NTNG1: variants seen among roughly 807,000 people sequenced by gnomAD.
NTNG1 encodes the protein netrin G1.
In NTNG1, 16 loss-of-function variants were observed where a neutral mutation model predicts 54.0. The observed-to-expected ratio is 0.30, with a 90% CI of 0.20 to 0.45. NTNG1 has a LOEUF of 0.45. Among genes scored for constraint, NTNG1 ranks in the 20% least tolerant of loss-of-function variants. NTNG1 has a pLI of 1.00. For synonymous variants in NTNG1, 255 were observed against 263.1 expected, an observed-to-expected ratio of 0.97 and a Z score of 0.30; for missense variants, 530 against 678.7, an observed-to-expected ratio of 0.78 and a Z score of 2.43.
chr1:107,204,170 C>T (rs1474677376), intron 2 of NTNG1, among the ~76,000 whole-genome samples: 9 of 151,838 alleles, frequency 5.9e-5, no homozygotes, highest in Admixed American at 5.9e-4. Flanking sequence ...ATTTATTTCC[C>T]ACTTGTTGAT....
chr1:107,373,255 A>T lies in NTNG1; in HGVS notation c.888-21899A>T, dbSNP rs187040811. Among the ~76,000 whole-genome samples, 742 of 151,920 alleles carry T rather than the reference A, an allele frequency of 4.9e-3. 8 individuals are homozygous for T. Among genetic ancestry groups the T allele is most frequent in the African/African-American group, 0.017 (700 of 41,454 alleles). Reference sequence around the variant, plus strand: ...TTACTAGTCATTTTTCATTTTTTTAACTTAGAATTGCTTTAGAGTATATAA... The same window carrying T: ...TTACTAGTCATTTTTCATTTTTTTATCTTAGAATTGCTTTAGAGTATATAA... On this transcript the variant is annotated intron_variant, in intron 3 of 7. Coordinates refer to ENST00000370068, the MANE Select transcript of NTNG1 (RefSeq NM_001113226.3).
At chr1:107,319,567 C>T (rs1255849519) in intron 2 of NTNG1, among the ~76,000 whole-genome samples, 1 of 152,048 alleles carries the variant, frequency 6.6e-6, no homozygotes, top group East Asian at 1.9e-4. Context: ...GCCTTTGTGT[C>T]TTTTTTGACT....
intron 2 of NTNG1, among the ~76,000 whole-genome samples, chr1:107,210,575 G>A (rs1353926233): frequency 2.6e-5 from 4 of 152,160 alleles, no homozygotes; most frequent in Non-Finnish European, 4.4e-5. Context: ...CCAAGTCACC[G>A]CCAGATGAAT....
rs370815306 is a variant in NTNG1 at position 107,361,391 on chromosome 1, A to ATATATATTT, written c.888-33762_888-33761insATATATTTT. On this transcript the variant is annotated intron_variant, in intron 3 of 7. Transcript: ENST00000370068. ...TATATATACATATATATATATATATATTTTTTTTTTTTTTTGAGACACAGT... is the reference window on the plus strand; with the variant it reads ...TATATATACATATATATATATATATATATATATTTTTTTTTTTTTTTTTTGAGACACAGT... 7.0e-3 allele frequency among the ~76,000 whole-genome samples: 620 copies of ATATATATTT among 87,950 alleles called. 12 individuals are homozygous for ATATATATTT. The highest frequency in any genetic ancestry group is 0.016 in the Admixed American group (84 of 5,220). 57.7% of individuals were successfully genotyped at this position (87,950 alleles called of 152,430 possible). A position where few individuals can be genotyped will look rare whatever the true frequency, so the allele number is the denominator to read the frequency against.
intron 7 of NTNG1, among the ~76,000 whole-genome samples, chr1:107,471,371 A>G (rs780557202): frequency 5.9e-5 from 9 of 152,202 alleles, no homozygotes; most frequent in Non-Finnish European, 1.0e-4. Flanking sequence ...AATTAAAAGC[A>G]GGAAAGCAAG....
chr1:107,382,218 C>G (rs775076177), intron 3 of NTNG1, among the ~76,000 whole-genome samples: 1 of 152,080 alleles, frequency 6.6e-6, no homozygotes, highest in Non-Finnish European at 1.5e-5. Context: ...TGCAACCTCA[C>G]TACAACTTAG....
At chr1:107,400,195 G>A (rs1249289618) in intron 4 of NTNG1, among the ~76,000 whole-genome samples, 1 of 151,864 alleles carries the variant, frequency 6.6e-6, no homozygotes, top group East Asian at 1.9e-4. Flanking sequence ...ACTCTATATT[G>A]AAATTCTGCT....
chr1:107,277,691 T>TA (rs1370875822), intron 2 of NTNG1, among the ~76,000 whole-genome samples: 1 of 152,216 alleles, frequency 6.6e-6, no homozygotes, highest in Non-Finnish European at 1.5e-5. Context: ...TTTTGGATCT[T>TA]ACAGTTTAAA....
chr1:107,344,052 G>GA (rs202046246), intron 3 of NTNG1, among the ~76,000 whole-genome samples: 76 of 146,248 alleles, frequency 5.2e-4, no homozygotes, highest in African/African-American at 1.0e-3. Flanking sequence ...TTGGAGTCTA[G>GA]AAAAAAAAAA....
At chr1:107,370,781 A>G (rs1570786901) in intron 3 of NTNG1, among the ~76,000 whole-genome samples, 2 of 152,014 alleles carry the variant, frequency 1.3e-5, no homozygotes, top group East Asian at 3.9e-4. Context: ...CAGCAATTTT[A>G]TTTATTTCTG....
intron 2 of NTNG1, among the ~76,000 whole-genome samples, chr1:107,237,776 C>T (rs1661512174): frequency 6.6e-6 from 1 of 152,120 alleles, no homozygotes; most frequent in Non-Finnish European, 1.5e-5. Context: ...TGCAAATGCA[C>T]AGAAGTCAAG....
chr1:107,434,085 G>T (rs1173397613), intron 6 of NTNG1, among the ~76,000 whole-genome samples: 1 of 152,104 alleles, frequency 6.6e-6, no homozygotes, highest in East Asian at 1.9e-4. Context: ...TGGAAACTTT[G>T]AACTTCATCT....
At position 107,324,334 on chromosome 1, in the gene NTNG1, C is replaced by A; in HGVS notation, c.299C>A (p.Ala100Glu). 1.2e-6 allele frequency: 2 copies of A among 1,613,672 alleles called. No homozygotes were observed. The highest frequency in any genetic ancestry group is 1.7e-6 in the Non-Finnish European group (2 of 1,179,752). ...TGTGATGCGAGTACCCCTGAGCTGG[C>A]ACACCCCCCTGAGCTGATGTTTGAT... ...NECDASTPELAHPPELMFDFE... is the reference protein window; with the variant it reads ...NECDASTPELEHPPELMFDFE... The change falls in exon 3 of 8, where the codon GCA (alanine) becomes GAA (glutamate). Residue 100 changes from alanine to glutamate, a missense_variant. Ala to Glu is a moderately radical substitution (Grantham distance 107). Coordinates refer to ENST00000370068, the MANE Select transcript of NTNG1 (RefSeq NM_001113226.3).
chr1:107,450,509 C>G (rs1191652037), intron 7 of NTNG1, among the ~76,000 whole-genome samples: 2 of 151,772 alleles, frequency 1.3e-5, no homozygotes, highest in Non-Finnish European at 2.9e-5. Context: ...AATGGATTAA[C>G]AAATTTAAGA....
At chr1:107,408,479 A>G (rs2587906) in intron 5 of NTNG1, 145,978 of 152,218 alleles carry the variant, frequency 0.96, 70,287 homozygotes, top group East Asian at 1. Context: ...ACACTTCCCC[A>G]GTATCACTAC....
intron 2 of NTNG1, among the ~76,000 whole-genome samples, chr1:107,200,741 A>C (rs1214899276): frequency 6.6e-6 from 1 of 151,822 alleles, no homozygotes; most frequent in Non-Finnish European, 1.5e-5. Context: ...TTGAAAAATC[A>C]ATTTCCTCCC....
chr1:107,304,304 T>C lies in NTNG1; in HGVS notation c.247-19978T>C, dbSNP rs1666523112. ...GATTAAATTTTTATTTCTCTTCTAGTACACACATTCAACTATCTAGAGTGG... is the reference window on the plus strand; with the variant it reads ...GATTAAATTTTTATTTCTCTTCTAGCACACACATTCAACTATCTAGAGTGG... On this transcript the variant is annotated intron_variant, in intron 2 of 7. Transcript: ENST00000370068. Among the ~76,000 whole-genome samples the C allele has an allele frequency of 2.0e-5, 3 of 152,152 alleles. No individual in the cohort carries two copies. The South Asian group carries it at 6.2e-4, about 32-fold the overall frequency.
chr1:107,262,088 G>C (rs1009877331), intron 2 of NTNG1, among the ~76,000 whole-genome samples: 2 of 152,124 alleles, frequency 1.3e-5, no homozygotes, highest in African/African-American at 4.8e-5. Context: ...CCTAAGTGCT[G>C]TTTACATATT....
chr1:107,199,790 G>A (rs1658601153), intron 2 of NTNG1, among the ~76,000 whole-genome samples: 1 of 151,796 alleles, frequency 6.6e-6, no homozygotes, highest in Non-Finnish European at 1.5e-5. Flanking sequence ...TTAAAGTAAA[G>A]TGACTATTTC....
Sources: gnomAD v4.1 joint callset for allele counts (sites outside exome capture counted in the v4.1 genomes callset) on GRCh38, gnomAD v4.1.1 for gene constraint, MANE v1.5 for transcripts, NCBI Gene and HGNC (gene_info 2026-07-23, HGNC 2026-07-21) for gene names.